Variants in MRC2 observed in about 807,000 individuals in gnomAD.
The protein encoded by MRC2 is C-type mannose receptor 2.
Under a neutral mutation model 206.2 loss-of-function variants are expected in MRC2, and 84 were observed. The observed-to-expected ratio is 0.41, with a 90% CI of 0.34 to 0.49. MRC2 has a LOEUF of 0.49. MRC2 is among the 20% of genes least tolerant of loss of function. The probability of loss-of-function intolerance (pLI) is 0.31; values close to 1 mark genes in which losing one functional copy is unlikely to be tolerated. For missense variants in MRC2, 1,676 were observed against 2,001.5 expected, an observed-to-expected ratio of 0.84 and a Z score of 3.10; for synonymous variants, 798 against 800.0, an observed-to-expected ratio of 1.00 and a Z score of 0.04.
chr17:62,644,729 T>C (rs1202027527), intron 1 of MRC2, among the ~76,000 whole-genome samples: 1 of 152,044 alleles, frequency 6.6e-6, no homozygotes, highest in Non-Finnish European at 1.5e-5. Context: ...TGGAAGGTGG[T>C]GTTTTTCAGC....
chr17:62,669,570 C>T (rs2088801251), intron 6 of MRC2, among the ~76,000 whole-genome samples: 1 of 151,886 alleles, frequency 6.6e-6, no homozygotes, highest in African/African-American at 2.4e-5. Flanking sequence ...CGCTCTGTCG[C>T]CCAGGCTGGA....
At position 62,675,773 on chromosome 17, in the gene MRC2, G is replaced by T. The variant is rs776871798; in HGVS notation, c.1570-17G>T. 1.9e-5 allele frequency: 30 copies of T among 1,603,014 alleles called. No individual in the cohort carries two copies. Among genetic ancestry groups the T allele is most frequent in the Non-Finnish European group, 2.3e-5 (27 of 1,170,068 alleles). On this transcript the variant is annotated splice_polypyrimidine_tract_variant and intron_variant, in intron 9 of 29. Coordinates refer to ENST00000303375, the MANE Select transcript of MRC2 (RefSeq NM_006039.5). The surrounding 1 kb of genome is among the most constrained non-coding windows in gnomAD (Gnocchi z 4.1). Reference sequence around the variant, plus strand: ...TCTTCCCTACAGACACCCCTCTTCTGTCCACTCTTGAGCCAGGGTTGGACG... The same window carrying T: ...TCTTCCCTACAGACACCCCTCTTCTTTCCACTCTTGAGCCAGGGTTGGACG...
rs1451637958 is a variant in MRC2 at position 62,667,235 on chromosome 17, T to C, written c.974-155T>C. Among the ~76,000 whole-genome samples, 4 of 152,126 alleles carry C rather than the reference T, an allele frequency of 2.6e-5. No individual in the cohort carries two copies. Among genetic ancestry groups the C allele is most frequent in the Non-Finnish European group, 5.9e-5 (4 of 68,014 alleles). Reference sequence around the variant, plus strand: ...AGGTTAGAAAGCGCGGAGGACCCCGTGGTCTGGGGCGGAGCTGGAGCTGAG... The same window carrying C: ...AGGTTAGAAAGCGCGGAGGACCCCGCGGTCTGGGGCGGAGCTGGAGCTGAG... On this transcript the variant is annotated intron_variant, in intron 5 of 29. Coordinates refer to ENST00000303375, the MANE Select transcript of MRC2 (RefSeq NM_006039.5). This position sits in a 1 kb window ranked among gnomAD's most constrained non-coding sequence, Gnocchi z 4.1.
intron 1 of MRC2, among the ~76,000 whole-genome samples, chr17:62,632,212 G>A (rs2084221802): frequency 6.6e-6 from 1 of 152,072 alleles, no homozygotes; most frequent in Admixed American, 6.6e-5. Flanking sequence ...GGGGTCTGCC[G>A]GGGTCCACCA....
At position 62,682,068 on chromosome 17, in the gene MRC2, G is replaced by C. The variant is rs76535792; in HGVS notation, c.2803+131G>C. On this transcript the variant is annotated intron_variant, in intron 19 of 29. Transcript: ENST00000303375. ...CAACCCAATAAAGGCTAGACTCAGC[G>C]AGGGGTGGACCTGTCTCCATGGTCC... 1.8e-3 allele frequency: 1,985 copies of C among 1,100,464 alleles called. 25 individuals are homozygous for C. The African/African-American group carries it at 0.027, about 15-fold the overall frequency. 68.2% of individuals were successfully genotyped at this position (1,100,464 alleles called of 1,614,324 possible). A position where few individuals can be genotyped will look rare whatever the true frequency, so the allele number is the denominator to read the frequency against.
In MRC2 at chr17:62,657,879, G is replaced by A. The variant is rs150035031; in HGVS notation, c.119-6669G>A. Reference sequence around the variant, plus strand: ...TTTTCATTGAGGGCCCAGGCCCACCGGCCACTTCGGGTGGAAAATGCTCTC... The same window carrying A: ...TTTTCATTGAGGGCCCAGGCCCACCAGCCACTTCGGGTGGAAAATGCTCTC... On this transcript the variant is annotated intron_variant, in intron 1 of 29. Coordinates refer to ENST00000303375, the MANE Select transcript of MRC2 (RefSeq NM_006039.5). Among the ~76,000 whole-genome samples, 547 of 152,118 alleles carry A rather than the reference G, an allele frequency of 3.6e-3. 2 individuals are homozygous for A. Among genetic ancestry groups the A allele is most frequent in the African/African-American group, 0.013 (520 of 41,492 alleles).
chr17:62,678,364 A>T, intron 12 of MRC2, 140 bp from the exon 13 acceptor site: 1 of 1,183,964 alleles, frequency 8.4e-7, no homozygotes, highest in Non-Finnish European at 1.2e-6. Context: ...GCAGATGAAC[A>T]GGATTGTCCT....
intron 1 of MRC2, among the ~76,000 whole-genome samples, chr17:62,628,955 C>G (rs552946989): frequency 2.0e-5 from 3 of 152,160 alleles, no homozygotes; most frequent in Non-Finnish European, 4.4e-5. Flanking sequence ...CCTGGAGAGT[C>G]TGGGGCCTCC....
chr17:62,665,506 T>C (rs1470573142), intron 2 of MRC2, among the ~76,000 whole-genome samples: 1 of 151,924 alleles, frequency 6.6e-6, no homozygotes, highest in Non-Finnish European at 1.5e-5. Flanking sequence ...GCTTGTAAAG[T>C]CTTCAAATAG....
At chr17:62,673,665 C>T (rs1352178502) in intron 8 of MRC2, among the ~76,000 whole-genome samples, 1 of 152,118 alleles carries the variant, frequency 6.6e-6, no homozygotes, top group Non-Finnish European at 1.5e-5. Flanking sequence ...TGCACCACCA[C>T]AACCGGCTAA....
intron 1 of MRC2, among the ~76,000 whole-genome samples, chr17:62,660,423 G>A (rs112888106): frequency 1.5e-3 from 224 of 152,306 alleles, no homozygotes; most frequent in Non-Finnish European, 2.6e-3. Context: ...AAGCAGCCCA[G>A]CAAGAAACAG....
chr17:62,681,604 T>G, intron 18 of MRC2: 2 of 521,110 alleles, frequency 3.8e-6, no homozygotes, highest in African/African-American at 2.0e-5. Context: ...GTCCTCAGGC[T>G]TCTTTTCTGG....
In MRC2 at chr17:62,680,489, G is replaced by A. The variant is rs766338023; in HGVS notation, c.2473+36G>A. 6.2e-7 allele frequency: 1 copy of A among 1,613,136 alleles called. No individual in the cohort carries two copies. The highest frequency in any genetic ancestry group is 1.1e-5 in the South Asian group (1 of 91,016). On this transcript the variant is annotated intron_variant, in intron 16 of 29. Transcript: ENST00000303375. The surrounding 1 kb of genome is among the most constrained non-coding windows in gnomAD (Gnocchi z 4.8). ...CCCAGCCCATCCCGCTACCCATCGC[G>A]TGGGAGAGGGCGTCAACTCTGGGGT...
chr17:62,669,149 A>C (rs2147469270), intron 6 of MRC2, among the ~76,000 whole-genome samples: 1 of 151,898 alleles, frequency 6.6e-6, no homozygotes, highest in South Asian at 2.1e-4. Flanking sequence ...GACAGTAAAG[A>C]GTTTACAGAG....
At chr17:62,629,252 G>C (rs1021785889) in intron 1 of MRC2, among the ~76,000 whole-genome samples, 2 of 152,204 alleles carry the variant, frequency 1.3e-5, no homozygotes, top group African/African-American at 4.8e-5. Context: ...GTGGGAAGGG[G>C]TGGGGAGGAT....
chr17:62,631,203 G>A (rs1429009784), intron 1 of MRC2, among the ~76,000 whole-genome samples: 1 of 152,146 alleles, frequency 6.6e-6, no homozygotes, highest in East Asian at 1.9e-4. Context: ...CATCGAGGAG[G>A]AGTCCTGTTG....
intron 1 of MRC2, among the ~76,000 whole-genome samples, chr17:62,642,381 T>G (rs2088417598): frequency 6.6e-6 from 1 of 152,200 alleles, no homozygotes; most frequent in African/African-American, 2.4e-5. Flanking sequence ...CAATGTCAAT[T>G]TGTTCCCTTA....
intron 1 of MRC2, among the ~76,000 whole-genome samples, chr17:62,631,581 C>T (rs1442257847): frequency 2.0e-5 from 3 of 152,124 alleles, no homozygotes; most frequent in African/African-American, 4.8e-5. Context: ...ACTCCAAGCC[C>T]TCTAGGACAC....
At chr17:62,628,050 T>A in intron 1 of MRC2, 130 bp downstream of exon 1, 1 of 583,548 alleles carries the variant, frequency 1.7e-6, no homozygotes, top group Non-Finnish European at 2.6e-6. Flanking sequence ...TGTGTGTGAC[T>A]GGGTTTTTAA....
Sources: gnomAD v4.1 joint callset for allele counts (sites outside exome capture counted in the v4.1 genomes callset) on GRCh38, gnomAD v4.1.1 for gene constraint, Gnocchi (gnomAD v3.1) non-coding constraint, MANE v1.5 for transcripts, NCBI Gene and HGNC (gene_info 2026-07-23, HGNC 2026-07-21) for gene names.